The following TNS1 variants were observed in gnomAD, a reference collection of about 807,000 sequenced individuals.
TNS1 encodes the protein tensin-1.
A neutral mutation model predicts 168.6 loss-of-function variants in TNS1; 62 were observed. That is an observed-to-expected ratio of 0.37 (90% CI 0.30 to 0.45). The LOEUF is 0.45. Among genes scored for constraint, TNS1 ranks in the 20% least tolerant of loss-of-function variants. The probability of loss-of-function intolerance (pLI) is 1.00; values close to 1 mark genes in which losing one functional copy is unlikely to be tolerated. For missense variants in TNS1, 2,240 were observed against 2,339.4 expected, an observed-to-expected ratio of 0.96 and a Z score of 0.88; for synonymous variants, 934 against 933.2, an observed-to-expected ratio of 1.00 and a Z score of -0.02.
intron 11 of TNS1, among the ~76,000 whole-genome samples, chr2:217,891,959 C>T (rs372731821): frequency 9.2e-5 from 14 of 152,342 alleles, no homozygotes; most frequent in African/African-American, 3.4e-4. Context: ...AGTCCCTTTA[C>T]TCTTTCACGA....
chr2:217,886,530 G>A lies in TNS1; in HGVS notation c.979+4C>T, dbSNP rs753288431. On this transcript the variant is annotated splice_donor_region_variant and intron_variant, in intron 13 of 32. Transcript: ENST00000682258. ...GTGGAGGTCAGAGGGCTCAAGGCAGGTACCTCCTTTAGACTCAAAGTTGGG... is the reference window on the plus strand; with the variant it reads ...GTGGAGGTCAGAGGGCTCAAGGCAGATACCTCCTTTAGACTCAAAGTTGGG... 1.3e-6 allele frequency: 2 copies of A among 1,586,602 alleles called. No individual in the cohort carries two copies. The highest frequency in any genetic ancestry group is 3.6e-5 in the Admixed American group (2 of 55,808).
intron 22 of TNS1, among the ~76,000 whole-genome samples, chr2:217,824,916 C>A (rs540009175): frequency 1.3e-5 from 2 of 152,094 alleles, no homozygotes; most frequent in African/African-American, 4.8e-5. Flanking sequence ...ATCTGTGTGC[C>A]GAGCCCTCAC....
In TNS1 at chr2:217,818,340, C is replaced by T. The variant is rs1371371888; in HGVS notation, c.3992G>A (p.Gly1331Asp). The change falls in exon 24 of 33, where the codon GGT (glycine) becomes GAT (aspartate). Residue 1331 changes from glycine to aspartate, a missense_variant. Gly to Asp is a moderately conservative substitution (Grantham distance 94, BLOSUM62 -1). Transcript: ENST00000682258. ...MMGPPGTGFH[G>D]STVSSPQSSA... Reference sequence around the variant, plus strand: ...GCTCTGGGGGCTGGAGACAGTGCTACCATGGAAGCCAGTGCCTGGTGGACC... The same window carrying T: ...GCTCTGGGGGCTGGAGACAGTGCTATCATGGAAGCCAGTGCCTGGTGGACC... 1.2e-5 allele frequency: 19 copies of T among 1,614,012 alleles called. No individual in the cohort carries two copies. In the Admixed American group the frequency reaches 3.0e-4, roughly 25 times the overall value.
rs933942772 is a variant in TNS1 at position 217,800,286 on chromosome 2, A to C, written c.*4173T>G. ...AAGAGCCCAGGCGTGGGATATGAACAGAGGTCCTCCAACATTTTGGACATT... is the reference window on the plus strand; with the variant it reads ...AAGAGCCCAGGCGTGGGATATGAACCGAGGTCCTCCAACATTTTGGACATT... On this transcript the variant is annotated 3_prime_UTR_variant, in exon 33 of 33. Coordinates refer to ENST00000682258, the MANE Select transcript of TNS1 (RefSeq NM_001387777.1). 4 of 152,272 alleles carry C rather than the reference A, an allele frequency of 2.6e-5. No individual in the cohort carries two copies. The highest frequency in any genetic ancestry group is 9.6e-5 in the African/African-American group (4 of 41,466). 9.4% of individuals were successfully genotyped at this position (152,272 alleles called of 1,614,324 possible).
At chr2:217,889,744 C>A (rs561138728) in intron 12 of TNS1, among the ~76,000 whole-genome samples, 1 of 152,206 alleles carries the variant, frequency 6.6e-6, no homozygotes, top group South Asian at 2.1e-4. Flanking sequence ...CCTTGCCTGG[C>A]GGATTCAGCA....
intron 4 of TNS1, among the ~76,000 whole-genome samples, chr2:217,917,455 G>T (rs1410528544): frequency 6.6e-6 from 1 of 152,142 alleles, no homozygotes; most frequent in East Asian, 1.9e-4. Context: ...AGTGTATCGG[G>T]GCGATGCATG....
intron 3 of TNS1, among the ~76,000 whole-genome samples, chr2:217,931,849 T>A (rs1003883699): frequency 6.6e-6 from 1 of 152,188 alleles, no homozygotes; most frequent in Non-Finnish European, 1.5e-5. Context: ...TTTGAAGAAG[T>A]GCCTTACATT....
At chr2:217,843,109 A>T (rs1410149620) in intron 19 of TNS1, among the ~76,000 whole-genome samples, 1 of 150,250 alleles carries the variant, frequency 6.7e-6, no homozygotes, top group Non-Finnish European at 1.5e-5. Flanking sequence ...CCTTCAACTC[A>T]TCTCCTATTT....
upstream of TNS1, among the ~76,000 whole-genome samples, chr2:218,011,422 GCAGC>G (rs1958704910): frequency 6.6e-6 from 1 of 152,112 alleles, no homozygotes. Context: ...GGGAGGGCAG[GCAGC>G]CAGCCAAGCC....
chr2:217,903,963 C>T (rs1239857633), intron 6 of TNS1: 4 of 319,242 alleles, frequency 1.3e-5, no homozygotes, highest in African/African-American at 6.4e-5. Context: ...AGACCAAACA[C>T]AACAGCTCAG....
chr2:217,994,805 C>G (rs1958439465), intron 1 of TNS1, among the ~76,000 whole-genome samples: 2 of 152,258 alleles, frequency 1.3e-5, no homozygotes, highest in Admixed American at 6.5e-5. Context: ...TTGCTTAGGC[C>G]TCTCTAAGCA....
chr2:217,902,709 C>T (rs1953155134), intron 6 of TNS1, among the ~76,000 whole-genome samples: 1 of 152,196 alleles, frequency 6.6e-6, no homozygotes, highest in African/African-American at 2.4e-5. Flanking sequence ...TCCAAGCCCG[C>T]TCTGCTCCAC....
chr2:217,978,418 C>T lies in TNS1; in HGVS notation c.186+347G>A, dbSNP rs376144733. On this transcript the variant is annotated intron_variant, in intron 3 of 32. Transcript: ENST00000682258. Reference sequence around the variant, plus strand: ...CGGCCCGGGGTAATTGAAATGGATCCCCTCCCCCTTTCCCTCTCCCCCTTG... The same window carrying T: ...CGGCCCGGGGTAATTGAAATGGATCTCCTCCCCCTTTCCCTCTCCCCCTTG... Among the ~76,000 whole-genome samples, 8 of 152,112 alleles carry T rather than the reference C, an allele frequency of 5.3e-5. No homozygotes were observed. In the East Asian group the frequency reaches 1.6e-3, roughly 30 times the overall value.
In TNS1 at chr2:217,995,164, C is replaced by T. The variant is rs1208865657; in HGVS notation, c.34-4108G>A. 6.6e-6 allele frequency among the ~76,000 whole-genome samples: 1 copy of T among 152,152 alleles called. No individual in the cohort carries two copies. Among genetic ancestry groups the T allele is most frequent in the African/African-American group, 2.4e-5 (1 of 41,420 alleles). On this transcript the variant is annotated intron_variant, in intron 1 of 32. Transcript: ENST00000682258. This position sits in a 1 kb window ranked among gnomAD's most constrained non-coding sequence, Gnocchi z 4.1. ...AACTCTGGTAGGAGCGAGGGACTAG[C>T]TCTGCCACCTCCAGGCAAGTGGCCC...
intron 18 of TNS1, chr2:217,849,944 G>C (rs1947238444): frequency 6.1e-6 from 6 of 985,374 alleles, no homozygotes; most frequent in Non-Finnish European, 7.2e-6. Context: ...TTTGTCTCCA[G>C]CTCAATGCAA....
rs150755688 is a variant in TNS1, at chr2:217,898,829, T to A, written c.372-860A>T. On this transcript the variant is annotated intron_variant, in intron 7 of 32. Coordinates refer to ENST00000682258, the MANE Select transcript of TNS1 (RefSeq NM_001387777.1). ...GAAGGGAGGGGCTCGCATCTTTACA[T>A]CTCTCCCAACTTTTCTTCCAGAGGA... 3.2e-4 allele frequency among the ~76,000 whole-genome samples: 48 copies of A among 152,242 alleles called. 1 individual carries two copies. The East Asian group carries it at 8.1e-3, about 26-fold the overall frequency.
intron 21 of TNS1, among the ~76,000 whole-genome samples, chr2:217,832,640 T>C (rs1422677720): frequency 6.6e-6 from 1 of 152,116 alleles, no homozygotes; most frequent in Admixed American, 6.5e-5. Context: ...CAAAAGACAG[T>C]CAGACCTACA....
intron 3 of TNS1, among the ~76,000 whole-genome samples, chr2:217,937,692 A>AC (rs759892022): frequency 5.5e-4 from 84 of 151,360 alleles, no homozygotes; most frequent in African/African-American, 1.8e-3. Context: ...GGACTCACAG[A>AC]CCCCCCACCC....
chr2:218,024,419 T>C (rs1157932876), intron 1 of TNS1, among the ~76,000 whole-genome samples: 1 of 151,820 alleles, frequency 6.6e-6, no homozygotes, highest in African/African-American at 2.4e-5. Flanking sequence ...ATTGAGTGGC[T>C]GGGGTTGAAG....
Sources: gnomAD v4.1 joint callset for allele counts (sites outside exome capture counted in the v4.1 genomes callset) on GRCh38, gnomAD v4.1.1 for gene constraint, Gnocchi (gnomAD v3.1) non-coding constraint, MANE v1.5 for transcripts, NCBI Gene and HGNC (gene_info 2026-07-23, HGNC 2026-07-21) for gene names.